Variants in DST observed in about 807,000 individuals in gnomAD.
DST encodes the protein bullous pemphigoid antigen.
A neutral mutation model predicts 875.2 loss-of-function variants in DST; 253 were observed. That is an observed-to-expected ratio of 0.29 (90% CI 0.26 to 0.32). The LOEUF (loss-of-function observed/expected upper bound fraction) is 0.32, where lower values mean the gene tolerates loss of function less well. DST is among the 10% of genes least tolerant of loss of function. DST has a pLI of 1.00. For synonymous variants in DST, 3,124 were observed against 3,197.1 expected (o/e 0.98, Z 0.77); for missense variants, 8,287 against 9,111.6 (o/e 0.91, Z 3.68).
At chr6:56,874,707 C>T (rs772997940) in intron 3 of DST, among the ~76,000 whole-genome samples, 4 of 152,220 alleles carry the variant, frequency 2.6e-5, no homozygotes, top group Non-Finnish European at 5.9e-5. Context: ...TCTATCCGTT[C>T]TAATCGCTCC....
intron 36 of DST, 36 bp downstream of exon 36, chr6:56,624,494 C>A: frequency 2.8e-6 from 4 of 1,420,776 alleles, no homozygotes; most frequent in Non-Finnish European, 4.0e-6. Flanking sequence ...TCTCTAGCTC[C>A]TTTATATTTA....
At chr6:56,640,683 G>A (rs1290748529) in intron 17 of DST, 78 bp from the exon 18 acceptor site, 1 of 1,143,216 alleles carries the variant, frequency 8.7e-7, no homozygotes, top group East Asian at 2.4e-5. Flanking sequence ...GTTAATTATA[G>A]GTTTTAGTTA....
At chr6:56,486,024 A>T (rs1230179344) in intron 87 of DST, among the ~76,000 whole-genome samples, 5 of 152,150 alleles carry the variant, frequency 3.3e-5, no homozygotes, top group African/African-American at 1.2e-4. Context: ...AACCATGCAT[A>T]CAACACTGGA....
In DST at chr6:56,640,012, C is replaced by G; in HGVS notation, c.2536G>C (p.Glu846Gln). The change falls in exon 19 of 104, where the codon GAA becomes CAA. Residue 846 changes from glutamate to glutamine, a missense_variant. Glu to Gln is a conservative substitution (Grantham distance 29). Coordinates refer to ENST00000680361, the MANE Select transcript of DST (RefSeq NM_001374736.1). Reference sequence around the variant, plus strand: ...TTTTTATGATTTTCTAAATGGCTTTCAACACTTGGCAAATCTGAGCCCCAC... The same window carrying G: ...TTTTTATGATTTTCTAAATGGCTTTGAACACTTGGCAAATCTGAGCCCCAC... The part of the protein sequence containing the change: ...TEWGSDLPSV[E>Q]SHLENHKNVH... The G allele has an allele frequency of 6.2e-7, 1 of 1,614,052 alleles. No homozygotes were observed. The highest frequency in any genetic ancestry group is 8.5e-7 in the Non-Finnish European group (1 of 1,179,976).
Position 56,610,480 on chromosome 6 carries a change from G to T in DST, c.5230C>A (p.Leu1744Met), listed in dbSNP as rs75752366. 8.8e-5 allele frequency: 138 copies of T among 1,568,100 alleles called. No homozygotes were observed. In the African/African-American group the frequency reaches 1.8e-3, roughly 20 times the overall value. The change falls in exon 39 of 104, where the codon CTG becomes ATG. Residue 1744 changes from leucine (L) to methionine (M), a missense_variant. Around this residue, in one of 10 missense-constraint regions of DST, gnomAD observed 3,138 missense variants for 3,116.6 expected, o/e 1.01. Coordinates refer to ENST00000680361, the MANE Select transcript of DST (RefSeq NM_001374736.1). ...GTTTGTGATTCTTGTAGCTGTTTCA[G>T]AGATTCACTGAATAATAAATTATAA... Reference protein sequence around the residue: ...ESYNLLFSESLKQLQESQTSG... With the variant: ...ESYNLLFSESMKQLQESQTSG...
intron 2 of DST, among the ~76,000 whole-genome samples, chr6:56,906,568 G>A (rs539701673): frequency 2.6e-5 from 4 of 152,128 alleles, no homozygotes; most frequent in South Asian, 4.2e-4. Context: ...CTCCAGGCCC[G>A]CTATGTAGAC....
At chr6:56,481,180 G>T (rs1410795350) in intron 90 of DST, among the ~76,000 whole-genome samples, 1 of 152,102 alleles carries the variant, frequency 6.6e-6, no homozygotes. Flanking sequence ...CTCCACACAT[G>T]ATGTAATCCA....
chr6:56,862,469 G>A (rs906659878), intron 3 of DST, among the ~76,000 whole-genome samples: 2 of 152,072 alleles, frequency 1.3e-5, no homozygotes, highest in African/African-American at 4.8e-5. Flanking sequence ...AGTGGAAGTG[G>A]CAGCAGAGGC....
intron 68 of DST, 115 bp downstream of exon 68, chr6:56,527,378 C>T (rs1217351953): frequency 7.4e-7 from 1 of 1,350,946 alleles, no homozygotes; most frequent in Admixed American, 2.7e-5. Flanking sequence ...TCTCCACCCA[C>T]CAAGGCATCC....
intron 5 of DST, among the ~76,000 whole-genome samples, chr6:56,726,274 CTG>C (rs2099457177): frequency 6.6e-6 from 1 of 152,186 alleles, no homozygotes; most frequent in Non-Finnish European, 1.5e-5. Flanking sequence ...TTGTCTTTCT[CTG>C]TCAGTCCCTC....
chr6:56,595,608 G>A (rs548704064), intron 47 of DST, among the ~76,000 whole-genome samples: 12 of 152,224 alleles, frequency 7.9e-5, no homozygotes, highest in East Asian at 5.8e-4. Flanking sequence ...TGGGGCAGCC[G>A]TTCACTTGTA....
At position 56,491,077 on chromosome 6, in the gene DST, T is replaced by C. The variant is rs574761629; in HGVS notation, c.20757+1150A>G. ...TAATGTGGAGAGAAAACTGTCAGGC[T>C]GAGAATTAATACTGTCTTAAAGAAA... On this transcript the variant is annotated intron_variant, in intron 85 of 103. Transcript: ENST00000680361. 3.9e-5 allele frequency among the ~76,000 whole-genome samples: 6 copies of C among 152,330 alleles called. No individual in the cohort carries two copies. The East Asian group carries it at 1.2e-3, about 29-fold the overall frequency.
intron 48 of DST, 33 bp from the exon 49 acceptor site, chr6:56,592,391 TA>T: frequency 2.6e-6 from 4 of 1,509,880 alleles, no homozygotes; most frequent in Non-Finnish European, 2.7e-6. Flanking sequence ...GGTAGGAGAT[TA>T]AAACCCACTA....
Position 56,546,378 on chromosome 6 carries a change from ATATATATATAT to A in DST, c.16608+5795_16608+5805del, listed in dbSNP as rs1404602978. Among the ~76,000 whole-genome samples the A allele has an allele frequency of 9.2e-4, 125 of 135,988 alleles. 1 individual carries two copies. The East Asian group carries it at 0.018, about 20-fold the overall frequency. The allele number at this position is 135,988 out of a possible 152,430, so 89.2% of individuals were successfully genotyped here. A position where few individuals can be genotyped will look rare whatever the true frequency, so the allele number is the denominator to read the frequency against. On this transcript the variant is annotated intron_variant, in intron 61 of 103. Transcript: ENST00000680361. ...TATATATATATATATATATATATATATATATATATATAAATGTCAAAAAGTTCATTTAAAGA... is the reference window on the plus strand; with the variant it reads ...TATATATATATATATATATATATATAAAATGTCAAAAAGTTCATTTAAAGA...
At chr6:56,463,932 A>G (rs1275532284) in intron 100 of DST, 168 bp from the exon 101 acceptor site, 1 of 765,894 alleles carries the variant, frequency 1.3e-6, no homozygotes, top group Non-Finnish European at 2.3e-6. Context: ...AGTTAAATGC[A>G]TTCCTTTACA....
chr6:56,602,203 T>G (rs889429666), intron 43 of DST, among the ~76,000 whole-genome samples: 21 of 149,202 alleles, frequency 1.4e-4, no homozygotes, highest in African/African-American at 4.7e-4. Context: ...AAAAAAAGTA[T>G]GCCAAAAGTG....
At chr6:56,602,370 A>T (rs1487850856) in intron 43 of DST, among the ~76,000 whole-genome samples, 1 of 151,944 alleles carries the variant, frequency 6.6e-6, no homozygotes, top group East Asian at 1.9e-4. Flanking sequence ...GTACAGTAAC[A>T]TGCTGTAGAG....
intron 9 of DST, among the ~76,000 whole-genome samples, chr6:56,691,478 T>A (rs115198796): frequency 0.015 from 2,303 of 152,300 alleles, 55 homozygotes; most frequent in African/African-American, 0.052. Context: ...TCTCTGCTCA[T>A]TGATACAATG....
intron 4 of DST, among the ~76,000 whole-genome samples, chr6:56,823,288 T>C (rs974956563): frequency 2.6e-5 from 4 of 152,232 alleles, no homozygotes; most frequent in African/African-American, 9.6e-5. Context: ...TCCAGCACTA[T>C]GTTACTTTTA....
Sources: allele counts gnomAD v4.1 joint callset (sites outside exome capture counted in the v4.1 genomes callset), GRCh38; gene constraint gnomAD v4.1.1; regional missense constraint gnomAD v4.1.1; transcripts MANE v1.5; gene names NCBI Gene and HGNC (gene_info 2026-07-23, HGNC 2026-07-21).